Variants in DISC1 observed in about 807,000 individuals in gnomAD.
DISC1 encodes the protein DISC1 scaffold protein.
In DISC1, 57 loss-of-function variants were observed where a neutral mutation model predicts 84.5. The ratio of observed to expected loss-of-function variants is 0.67; its 90% CI spans 0.55 to 0.84. The LOEUF is 0.84. DISC1 is among the 40% of genes least tolerant of loss of function. DISC1 has a pLI of 0.00. For synonymous variants in DISC1, 411 were observed against 415.2 expected, an observed-to-expected ratio of 0.99 and a Z score of 0.12; for missense variants, 1,000 against 1,057.8, an observed-to-expected ratio of 0.95 and a Z score of 0.76.
intron 1 of DISC1, among the ~76,000 whole-genome samples, chr1:231,680,066 A>T (rs545694609): frequency 1.8e-4 from 27 of 152,228 alleles, no homozygotes; most frequent in Admixed American, 5.2e-4. Context: ...CGTCTCTACT[A>T]AAAATACAGA....
chr1:232,030,566 T>C (rs1290129397), intron 12 of DISC1, among the ~76,000 whole-genome samples: 7 of 152,332 alleles, frequency 4.6e-5, no homozygotes, highest in Middle Eastern at 3.4e-3. Flanking sequence ...GAGTGCATGG[T>C]GCCCAATTGT....
chr1:231,654,780 C>G (rs1256293686), intron 1 of DISC1, among the ~76,000 whole-genome samples: 1 of 152,170 alleles, frequency 6.6e-6, no homozygotes, highest in African/African-American at 2.4e-5. Context: ...ATGCCAATAG[C>G]AAATCCCTAA....
chr1:231,818,700 G>A (rs1040652478), intron 9 of DISC1, 183 bp downstream of exon 9: 1 of 1,427,558 alleles, frequency 7.0e-7, no homozygotes, highest in East Asian at 2.5e-5. Flanking sequence ...TTACTTGTCA[G>A]CTTTTGTTTT....
At chr1:231,638,113 T>C (rs1463164960) in intron 1 of DISC1, among the ~76,000 whole-genome samples, 1 of 152,252 alleles carries the variant, frequency 6.6e-6, no homozygotes, top group Non-Finnish European at 1.5e-5. Context: ...ATGTTGAACA[T>C]GTTTTCCATT....
chr1:231,763,366 A>C (rs569301097), intron 4 of DISC1, among the ~76,000 whole-genome samples: 27 of 152,326 alleles, frequency 1.8e-4, no homozygotes, highest in African/African-American at 6.3e-4. Flanking sequence ...TTCTTGATTC[A>C]TAGTACTTTA....
At position 231,959,396 on chromosome 1, in the gene DISC1, A is replaced by C. The variant is rs1044303736; in HGVS notation, c.2042+508A>C. 16 of 985,828 alleles carry C rather than the reference A, an allele frequency of 1.6e-5. No homozygotes were observed. In the African/African-American group the frequency reaches 1.9e-4, roughly 12 times the overall value. The allele number at this position is 985,828 out of a possible 1,614,324, so 61.1% of individuals were successfully genotyped here. On this transcript the variant is annotated intron_variant, in intron 10 of 12. Transcript: ENST00000439617. The stretch of plus-strand genomic sequence containing the variant: ...TGAGAAATGTCAGGGATGCTGCAGC[A>C]TGACAAGATGTTTCTGGCTTTTGTG...
intron 4 of DISC1, among the ~76,000 whole-genome samples, chr1:231,756,527 G>GAGAGAGAC (rs1245956469): frequency 1.1e-5 from 1 of 87,442 alleles, no homozygotes; most frequent in African/African-American, 3.8e-5. Context: ...GAGAGAGAGA[G>GAGAGAGAC]AGAGAGAGAG....
chr1:231,800,150 G>A lies in DISC1; in HGVS notation c.1732G>A (p.Val578Ile). 1.2e-6 allele frequency: 2 copies of A among 1,611,894 alleles called. No homozygotes were observed. Among genetic ancestry groups the A allele is most frequent in the Non-Finnish European group, 1.7e-6 (2 of 1,179,712 alleles). ...EKFCSTLRKK[V>I]NDIETQLPAL... ...ATTCTGCAGCACCCTGAGGAAGAAAGTTAACGATATTGAAACCCAACTACC... is the reference window on the plus strand; with the variant it reads ...ATTCTGCAGCACCCTGAGGAAGAAAATTAACGATATTGAAACCCAACTACC... Residue 578 changes from valine to isoleucine, a missense_variant, in exon 8 of 13, where the codon GTT becomes ATT. Val to Ile is a conservative substitution (Grantham distance 29). Around this residue, in one of 3 missense-constraint regions of DISC1, gnomAD observed 397 missense variants for 377.5 expected, o/e 1.05. Coordinates refer to ENST00000439617, the MANE Select transcript of DISC1 (RefSeq NM_018662.3).
intron 3 of DISC1, 105 bp from the exon 4 acceptor site, chr1:231,749,821 C>T: frequency 6.8e-7 from 1 of 1,480,804 alleles, no homozygotes; most frequent in East Asian, 2.3e-5. Context: ...GTCATGATGT[C>T]ATTAAGGCAA....
intron 9 of DISC1, among the ~76,000 whole-genome samples, chr1:231,919,236 T>C (rs1426747025): frequency 6.6e-6 from 1 of 152,254 alleles, no homozygotes; most frequent in Non-Finnish European, 1.5e-5. Context: ...TTTGTTGTTG[T>C]TCTTAAAACA....
intron 9 of DISC1, among the ~76,000 whole-genome samples, chr1:231,854,347 A>G (rs57058210): frequency 0.033 from 4,975 of 152,334 alleles, 103 homozygotes; most frequent in African/African-American, 0.038. Context: ...TGTGATATAT[A>G]GAACTGTAAA....
intron 9 of DISC1, among the ~76,000 whole-genome samples, chr1:231,924,408 G>C (rs2090207141): frequency 6.6e-6 from 1 of 152,318 alleles, no homozygotes. Flanking sequence ...CATAGTTACG[G>C]GACAAAAATA....
intron 9 of DISC1, among the ~76,000 whole-genome samples, chr1:231,839,736 T>C (rs753960239): frequency 1.3e-5 from 2 of 152,208 alleles, no homozygotes; most frequent in Admixed American, 6.5e-5. Context: ...ACATGAAATA[T>C]AGTGCTGCCA....
intron 2 of DISC1, among the ~76,000 whole-genome samples, chr1:231,695,624 TGC>T (rs1572949808): frequency 7.3e-6 from 1 of 136,062 alleles, no homozygotes; most frequent in South Asian, 2.3e-4. Context: ...TGCCTGTGTG[TGC>T]GTGTGTGTGT....
intron 9 of DISC1, among the ~76,000 whole-genome samples, chr1:231,938,729 C>A (rs1279171965): frequency 1.3e-5 from 2 of 152,168 alleles, no homozygotes; most frequent in African/African-American, 2.4e-5. Flanking sequence ...AATCCACCCA[C>A]CACCAATGGT....
intron 6 of DISC1, among the ~76,000 whole-genome samples, chr1:231,787,444 G>A (rs938588628): frequency 1.3e-5 from 2 of 151,976 alleles, no homozygotes; most frequent in East Asian, 1.9e-4. Context: ...GCTGGAGAGA[G>A]AGAGACAGAG....
At chr1:231,981,224 A>G (rs559645096) in intron 10 of DISC1, among the ~76,000 whole-genome samples, 1 of 152,362 alleles carries the variant, frequency 6.6e-6, no homozygotes, top group East Asian at 1.9e-4. Context: ...GATTACAGGT[A>G]TGAGCCACTG....
At chr1:231,887,714 C>T (rs992852651) in intron 9 of DISC1, among the ~76,000 whole-genome samples, 3 of 152,176 alleles carry the variant, frequency 2.0e-5, no homozygotes, top group Admixed American at 6.5e-5. Context: ...CAGAAATGAA[C>T]GTAACTGAAT....
chr1:231,876,271 C>T (rs953788431), intron 9 of DISC1, among the ~76,000 whole-genome samples: 1 of 152,172 alleles, frequency 6.6e-6, no homozygotes, highest in African/African-American at 2.4e-5. Flanking sequence ...TGGCACCTCC[C>T]CGCTTGCTCT....
Sources: allele counts gnomAD v4.1 joint callset (sites outside exome capture counted in the v4.1 genomes callset), GRCh38; gene constraint gnomAD v4.1.1; regional missense constraint gnomAD v4.1.1; transcripts MANE v1.5; gene names NCBI Gene and HGNC (gene_info 2026-07-23, HGNC 2026-07-21).